The following ERLIN2 variants were observed in gnomAD, a reference collection of about 807,000 sequenced individuals.
ERLIN2 encodes the protein ER lipid raft associated 2.
A neutral mutation model predicts 41.5 loss-of-function variants in ERLIN2; 22 were observed. The observed-to-expected ratio is 0.53, with a 90% CI of 0.38 to 0.76. The LOEUF (loss-of-function observed/expected upper bound fraction) is 0.76, where lower values mean the gene tolerates loss of function less well. Ranked by LOEUF, ERLIN2 falls within the 30% of genes least tolerant of loss-of-function variation. The pLI is 0.00. For synonymous variants in ERLIN2, 149 were observed against 150.9 expected, an observed-to-expected ratio of 0.99 and a Z score of 0.09; for missense variants, 247 against 414.3, an observed-to-expected ratio of 0.60 and a Z score of 3.51.
At chr8:37,749,309 G>A (rs1175786991) in intron 6 of ERLIN2, among the ~76,000 whole-genome samples, 1 of 152,160 alleles carries the variant, frequency 6.6e-6, no homozygotes, top group Non-Finnish European at 1.5e-5. Flanking sequence ...AGTATTTTCA[G>A]AACAAAGGTT....
intron 6 of ERLIN2, chr8:37,746,571 T>A (rs1206217343): frequency 2.1e-6 from 2 of 943,168 alleles, no homozygotes; most frequent in Non-Finnish European, 2.5e-6. Flanking sequence ...TATCTCACTA[T>A]CATTTATTAA....
intron 11 of ERLIN2, 108 bp from the exon 12 acceptor site, chr8:37,753,807 C>T: frequency 1.0e-6 from 1 of 977,456 alleles, no homozygotes; most frequent in African/African-American, 1.6e-5. Context: ...AATGAGACCA[C>T]AAAAAGTAGG....
chr8:37,740,178 C>T (rs1308244267), intron 2 of ERLIN2, among the ~76,000 whole-genome samples, 187 bp from the exon 3 acceptor site: 1 of 152,072 alleles, frequency 6.6e-6, no homozygotes, highest in Non-Finnish European at 1.5e-5. Flanking sequence ...TATGTTTTAC[C>T]ATCAGGCTTC....
At chr8:37,746,144 G>A (rs998860963) in intron 6 of ERLIN2, 4 of 991,634 alleles carry the variant, frequency 4.0e-6, no homozygotes, top group Non-Finnish European at 1.2e-6. Context: ...AGCACTACTT[G>A]GCTTAGAATC....
rs143598362 is a variant in ERLIN2 at position 37,740,600 on chromosome 8, A to G, written c.189+154A>G. The G allele has an allele frequency of 6.3e-3, 1,306 of 207,842 alleles. 17 individuals are homozygous for G. The highest frequency in any genetic ancestry group is 0.03 in the African/African-American group (1,245 of 40,858). 12.9% of individuals were successfully genotyped at this position (207,842 alleles called of 1,614,324 possible). A position where few individuals can be genotyped will look rare whatever the true frequency, so the allele number is the denominator to read the frequency against. ...TACATATTATATATATATAATATAT[A>G]TATATATACACACATACACTATATA... On this transcript the variant is annotated intron_variant, in intron 3 of 11. Transcript: ENST00000519638.
At chr8:37,746,788 A>G (rs890776324) in intron 6 of ERLIN2, among the ~76,000 whole-genome samples, 2 of 152,242 alleles carry the variant, frequency 1.3e-5, no homozygotes, top group Non-Finnish European at 2.9e-5. Flanking sequence ...TGTTAAGTAA[A>G]GAAAGCTTTA....
chr8:37,747,541 C>T (rs769308926), intron 6 of ERLIN2: 3 of 1,612,568 alleles, frequency 1.9e-6, no homozygotes, highest in African/African-American at 1.3e-5. Flanking sequence ...AGTGACAGAA[C>T]TGAACTTGCC....
chr8:37,736,866 G>A (rs1015263481), intron 1 of ERLIN2, 188 bp downstream of exon 1: 8 of 985,896 alleles, frequency 8.1e-6, no homozygotes, highest in Non-Finnish European at 1.2e-6. Flanking sequence ...ACCGAGCGGA[G>A]GCTATTGGAG....
intron 7 of ERLIN2, 39 bp from the exon 8 acceptor site, chr8:37,749,755 C>G: frequency 1.2e-6 from 2 of 1,607,458 alleles, no homozygotes; most frequent in Non-Finnish European, 1.7e-6. Flanking sequence ...CCTCACTACC[C>G]TCACTTTCCC....
At chr8:37,737,385 ACT>A (rs550642458) in intron 1 of ERLIN2, 14 of 190,938 alleles carry the variant, frequency 7.3e-5, no homozygotes, top group South Asian at 4.3e-4. Context: ...CTACCTTGAA[ACT>A]CTGCTCGCCT....
chr8:37,754,205 TCTGA>T lies in ERLIN2; in HGVS notation c.*94_*97del. 3 of 933,006 alleles carry T rather than the reference TCTGA, an allele frequency of 3.2e-6. No individual in the cohort carries two copies. Among genetic ancestry groups the T allele is most frequent in the Non-Finnish European group, 1.7e-6 (1 of 583,220 alleles). The allele number at this position is 933,006 out of a possible 1,614,324, so 57.8% of individuals were successfully genotyped here. A position where few individuals can be genotyped will look rare whatever the true frequency, so the allele number is the denominator to read the frequency against. On this transcript the variant is annotated 3_prime_UTR_variant, in exon 12 of 12. Coordinates refer to ENST00000519638, the MANE Select transcript of ERLIN2 (RefSeq NM_007175.8). ...TGTTCCTCCCTCCCCGACTACCTTC[TCTGA>T]CTGTCTTCCAGTTACTGTGGTGAAA...
At chr8:37,749,661 T>A in intron 7 of ERLIN2, 29 bp downstream of exon 7, 1 of 1,564,498 alleles carries the variant, frequency 6.4e-7, no homozygotes, top group Non-Finnish European at 8.8e-7. Flanking sequence ...GAGCAGCCCC[T>A]CTCTCTCTGA....
chr8:37,738,913 G>GA (rs1456357512), intron 2 of ERLIN2, among the ~76,000 whole-genome samples: 1 of 152,002 alleles, frequency 6.6e-6, no homozygotes, highest in African/African-American at 2.4e-5. Flanking sequence ...AACATTTCAA[G>GA]AAAAATGAAA....
At position 37,755,988 on chromosome 8, in the gene ERLIN2, G is replaced by T; in HGVS notation, c.*1873G>T. On this transcript the variant is annotated 3_prime_UTR_variant, in exon 12 of 12. Transcript: ENST00000519638. ...GCGGATCACCTGAGGTTAGGAGTTC[G>T]AGACCACCCTGGCCAACATGCGAAA... is the stretch of plus-strand genomic sequence containing the variant. 6.6e-6 allele frequency: 1 copy of T among 152,362 alleles called. No homozygotes were observed. Among genetic ancestry groups the T allele is most frequent in the South Asian group, 2.1e-4 (1 of 4,840 alleles). The allele number at this position is 152,362 out of a possible 1,614,324, so 9.4% of individuals were successfully genotyped here. A position where few individuals can be genotyped will look rare whatever the true frequency, so the allele number is the denominator to read the frequency against.
Position 37,741,804 on chromosome 8 carries a change from A to T in ERLIN2, c.222A>T (p.Val74=). The change falls in exon 4 of 12, where the codon GTA becomes GTT. Residue 74 remains valine (V), a synonymous_variant. Transcript: ENST00000519638. The surrounding 1 kb of genome is among the most constrained non-coding windows in gnomAD (Gnocchi z 4.8). ...TCCAGACAGATGAGGTGAAGAATGT[A>T]CCTTGTGGGACTAGGTAAGGTACCC... The part of the protein sequence containing the change: ...TTLQTDEVKN[V]PCGTSGGVMI... 6.2e-7 allele frequency: 1 copy of T among 1,613,310 alleles called. No homozygotes were observed. Among genetic ancestry groups the T allele is most frequent in the Non-Finnish European group, 8.5e-7 (1 of 1,179,216 alleles).
At chr8:37,752,088 C>T (rs181823183) in intron 10 of ERLIN2, among the ~76,000 whole-genome samples, 4 of 152,338 alleles carry the variant, frequency 2.6e-5, no homozygotes, top group Admixed American at 2.0e-4. Context: ...GCCTTAGCTA[C>T]TTCTGCTCCA....
Position 37,755,560 on chromosome 8 carries a change from CCACCCCCCA to C in ERLIN2, c.*1447_*1455del. On this transcript the variant is annotated 3_prime_UTR_variant, in exon 12 of 12. Coordinates refer to ENST00000519638, the MANE Select transcript of ERLIN2 (RefSeq NM_007175.8). The stretch of plus-strand genomic sequence containing the variant: ...CCTGTTATGAGCTGACCCCCACCCC[CCACCCCCCA>C]CCCCCCCCCCCCGCCAACTCCTATA... The C allele has an allele frequency of 3.9e-5, 1 of 25,618 alleles. No individual in the cohort carries two copies. Among genetic ancestry groups the C allele is most frequent in the Non-Finnish European group, 8.7e-5 (1 of 11,510 alleles). The allele number at this position is 25,618 out of a possible 1,614,324, so 1.6% of individuals were successfully genotyped here. A position where few individuals can be genotyped will look rare whatever the true frequency, so the allele number is the denominator to read the frequency against.
At chr8:37,753,817 G>A (rs568218595) in intron 11 of ERLIN2, 98 bp from the exon 12 acceptor site, 9 of 1,027,396 alleles carry the variant, frequency 8.8e-6, no homozygotes, top group Non-Finnish European at 1.3e-5. Flanking sequence ...CAAAAAGTAG[G>A]TAGGGGCATA....
chr8:37,745,953 A>G (rs1563314215), intron 6 of ERLIN2: 2 of 1,068,816 alleles, frequency 1.9e-6, no homozygotes, highest in South Asian at 3.5e-5. Flanking sequence ...AAAAAAGACA[A>G]AGGATCCCTA....
Sources: allele counts gnomAD v4.1 joint callset (sites outside exome capture counted in the v4.1 genomes callset), GRCh38; gene constraint gnomAD v4.1.1; non-coding constraint Gnocchi (gnomAD v3.1); transcripts MANE v1.5; gene names NCBI Gene and HGNC (gene_info 2026-07-23, HGNC 2026-07-21).